TTN: variants seen among roughly 807,000 people sequenced by gnomAD.
The protein encoded by TTN is connectin.
Under a neutral mutation model 3,223.0 loss-of-function variants are expected in TTN, and 1,525 were observed. The ratio of observed to expected loss-of-function variants is 0.47; its 90% CI spans 0.45 to 0.49. The LOEUF (loss-of-function observed/expected upper bound fraction) is 0.49, where lower values mean the gene tolerates loss of function less well. TTN is among the 20% of genes least tolerant of loss of function. TTN has a pLI of 0.00. For missense variants in TTN, 40,786 were observed against 43,424.0 expected, an observed-to-expected ratio of 0.94 and a Z score of 5.40; for synonymous variants, 14,094 against 15,161.0, an observed-to-expected ratio of 0.93 and a Z score of 5.17.
At chr2:178,642,379 A>G (rs2061356480) in intron 218 of TTN, 62 bp from the exon 219 acceptor site, 30 of 1,437,504 alleles carry the variant, frequency 2.1e-5, no homozygotes, top group Non-Finnish European at 2.6e-5. Flanking sequence ...TTTCAACAAG[A>G]AAAATGTCTC....
At chr2:178,781,065 C>T in intron 21 of TTN, 56 bp downstream of exon 21, 5 of 1,611,728 alleles carry the variant, frequency 3.1e-6, no homozygotes, top group African/African-American at 1.3e-5. Context: ...GACAGCACTG[C>T]TATCTCCTTG....
chr2:178,773,653 A>G lies in TTN; in HGVS notation c.7403T>C (p.Val2468Ala), dbSNP rs886055300. 1.2e-6 allele frequency: 2 copies of G among 1,613,984 alleles called. No individual in the cohort carries two copies. Among genetic ancestry groups the G allele is most frequent in the Middle Eastern group, 3.3e-4 (2 of 6,060 alleles). The part of the protein sequence containing the change: ...EGTKAVLECK[V>A]SVPDVTSVKW... Reference sequence around the variant, plus strand: ...AACAGAAGTCACATCAGGGACTGACACCTTACATTCAAGCACAGCCTTGGT... The same window carrying G: ...AACAGAAGTCACATCAGGGACTGACGCCTTACATTCAAGCACAGCCTTGGT... The change falls in exon 32 of 363, where the codon GTG becomes GCG. Residue 2468 changes from valine (V) to alanine (A), a missense_variant. Val to Ala is a moderately conservative substitution (Grantham distance 64). Transcript: ENST00000589042.
Position 178,685,560 on chromosome 2 carries a change from G to A in TTN, c.32350C>T (p.Leu10784=). The change falls in exon 128 of 363, where the codon CTG becomes TTG. Residue 10784 remains leucine, a synonymous_variant. Coordinates refer to ENST00000589042, the MANE Select transcript of TTN (RefSeq NM_001267550.2). ...EPEEYVVEEK[L]HIISKRVEAE... is the part of the protein sequence containing the mutation. The stretch of plus-strand genomic sequence containing the variant: ...TCCACTCTCTTAGAAATAATGTGCA[G>A]CTTTTCTTCCACAACATATTCCTCA... 1.2e-6 allele frequency: 2 copies of A among 1,613,668 alleles called. No individual in the cohort carries two copies. The highest frequency in any genetic ancestry group is 1.7e-6 in the Non-Finnish European group (2 of 1,179,754).
rs2080939542 is a variant in TTN, at chr2:178,733,646, C to T, written c.15743G>A (p.Ser5248Asn). 6.2e-7 allele frequency: 1 copy of T among 1,612,568 alleles called. No homozygotes were observed. The highest frequency in any genetic ancestry group is 8.5e-7 in the Non-Finnish European group (1 of 1,178,846). The change falls in exon 53 of 363, where the codon AGC becomes AAC. Residue 5248 changes from serine to asparagine, a missense_variant. Ser to Asn is a conservative substitution (Grantham distance 46). Coordinates refer to ENST00000589042, the MANE Select transcript of TTN (RefSeq NM_001267550.2). ...TATTAATTCCCCAACAGATGTTTGG[C>T]TTCCAGCTTCATTTTCAGCCAGGCA... ...YTCLAENEAG[S>N]QTSVGELIVK...
chr2:178,572,205 C>T lies in TTN; in HGVS notation c.73927G>A (p.Asp24643Asn). The change falls in exon 326 of 363, where the codon GAT becomes AAT. Residue 24643 changes from aspartate to asparagine, a missense_variant. By Grantham distance (23) the Asp-to-Asn change is conservative. Coordinates refer to ENST00000589042, the MANE Select transcript of TTN (RefSeq NM_001267550.2). ...TAGCCTAGAATTCGGCTGCCTCCAT[C>T]ATGCTCTGGTTTCTCCCAAGAGAGT... ...VSLSWEKPEH[D>N]GGSRILGYIV... 1 of 1,613,498 alleles carries T rather than the reference C, an allele frequency of 6.2e-7. No homozygotes were observed. The highest frequency in any genetic ancestry group is 8.5e-7 in the Non-Finnish European group (1 of 1,179,640).
At position 178,568,064 on chromosome 2, in the gene TTN, A is replaced by G. The variant is rs572384303; in HGVS notation, c.78068T>C (p.Ile26023Thr). Residue 26023 changes from isoleucine (I) to threonine (T), a missense_variant, in exon 326 of 363, where the codon ATA becomes ACA. Physicochemically the swap from Ile to Thr is moderately conservative, Grantham distance 89. Coordinates refer to ENST00000589042, the MANE Select transcript of TTN (RefSeq NM_001267550.2). ...EPVNNGGSPV[I>T]GYHLERKERN... Reference sequence around the variant, plus strand: ...TTCTTTTCTCTCCAGGTGGTAACCTATGACGGGGCTTCCACCATTGTTGAC... The same window carrying G: ...TTCTTTTCTCTCCAGGTGGTAACCTGTGACGGGGCTTCCACCATTGTTGAC... 2.4e-4 allele frequency: 382 copies of G among 1,613,368 alleles called. 5 individuals carry two copies. In the South Asian group the frequency reaches 4.0e-3, roughly 17 times the overall value.
In TTN at chr2:178,580,229, T is replaced by C; in HGVS notation, c.67058A>G (p.Asp22353Gly). ...KEYTIVVKVLDTPGPPVNVTV... is the reference protein window; with the variant it reads ...KEYTIVVKVLGTPGPPVNVTV... ...CACATTGACAGGTGGCCCAGGAGTA[T>C]CTGGATAAATAGTAGGTAAATAAGA... Residue 22353 changes from aspartate (D) to glycine (G), a missense_variant and splice_region_variant, in exon 318 of 363, where the codon GAT (aspartate) becomes GGT (glycine). Physicochemically the swap from Asp to Gly is moderately conservative, Grantham distance 94. Coordinates refer to ENST00000589042, the MANE Select transcript of TTN (RefSeq NM_001267550.2). 6.2e-7 allele frequency: 1 copy of C among 1,611,608 alleles called. No individual in the cohort carries two copies. Among genetic ancestry groups the C allele is most frequent in the South Asian group, 1.1e-5 (1 of 90,482 alleles).
rs754676727 is a variant in TTN at position 178,552,916 on chromosome 2, A to G, written c.89984T>C (p.Ile29995Thr). The stretch of plus-strand genomic sequence containing the variant: ...GAATGGAGTCTTCTCCGACAAATCT[A>G]TTAGCTTGAAGGATGTGCTAGAACA... ...HKCSSTSFKLIDLSEKTPFFF... is the reference protein window; with the variant it reads ...HKCSSTSFKLTDLSEKTPFFF... Residue 29995 changes from isoleucine (I) to threonine (T), a missense_variant, in exon 335 of 363, where the codon ATA becomes ACA. By Grantham distance (89) the Ile-to-Thr change is moderately conservative (BLOSUM62 -1). Coordinates refer to ENST00000589042, the MANE Select transcript of TTN (RefSeq NM_001267550.2). 42 of 1,613,608 alleles carry G rather than the reference A, an allele frequency of 2.6e-5. No individual in the cohort carries two copies. The highest frequency in any genetic ancestry group is 8.0e-5 in the African/African-American group (6 of 74,900).
chr2:178,540,581 C>T (rs1421177379), intron 350 of TTN, among the ~76,000 whole-genome samples: 1 of 152,056 alleles, frequency 6.6e-6, no homozygotes, highest in East Asian at 1.9e-4. Context: ...TACTTGAGGT[C>T]AGGAGTTAGT....
At position 178,707,701 on chromosome 2, in the gene TTN, C is replaced by T; in HGVS notation, c.28866G>A (p.Gln9622=). 3 of 1,614,004 alleles carry T rather than the reference C, an allele frequency of 1.9e-6. No individual in the cohort carries two copies. The highest frequency in any genetic ancestry group is 2.5e-6 in the Non-Finnish European group (3 of 1,179,866). The change falls in exon 100 of 363, where the codon CAG becomes CAA. Residue 9622 remains glutamine (Q), a synonymous_variant. Transcript: ENST00000589042. The part of the protein sequence containing the change: ...HVQGSEPIRI[Q]WLKAGREIKP... ...TTATTTCCCTGCCAGCCTTCAACCA[C>T]TGGATCCTAATTGGCTCAGATCCCT...
chr2:178,689,469 G>T (rs373445803), intron 123 of TTN, 46 bp downstream of exon 123: 1 of 1,600,942 alleles, frequency 6.2e-7, no homozygotes, highest in Non-Finnish European at 8.5e-7. Flanking sequence ...AATTAAAGAG[G>T]CTTGAAGGAA....
rs147655882 is a variant in TTN, at chr2:178,778,848, A to G, written c.4208+26T>C. Reference sequence around the variant, plus strand: ...GTTTTGAAAACAATTTACATACTAAATAACCCAAATTATTACAAGTCTTAC... The same window carrying G: ...GTTTTGAAAACAATTTACATACTAAGTAACCCAAATTATTACAAGTCTTAC... On this transcript the variant is annotated intron_variant, in intron 24 of 362. Coordinates refer to ENST00000589042, the MANE Select transcript of TTN (RefSeq NM_001267550.2). 1.0e-4 allele frequency: 163 copies of G among 1,613,590 alleles called. 1 individual carries two copies. The East Asian group carries it at 2.4e-3, about 24-fold the overall frequency.
chr2:178,557,942 G>T lies in TTN; in HGVS notation c.87412C>A (p.Pro29138Thr), dbSNP rs72648227. Residue 29138 changes from proline to threonine, a missense_variant, in exon 328 of 363, where the codon CCT becomes ACT. Coordinates refer to ENST00000589042, the MANE Select transcript of TTN (RefSeq NM_001267550.2). Reference protein sequence around the residue: ...AFINIVVLDRPGPPTGPVVIS... With the variant: ...AFINIVVLDRTGPPTGPVVIS... Reference sequence around the variant, plus strand: ...ACAACAGGGCCAGTTGGAGGACCAGGCCTGTCTAGCACAACAATGTTAATG... The same window carrying T: ...ACAACAGGGCCAGTTGGAGGACCAGTCCTGTCTAGCACAACAATGTTAATG... 8.7e-4 allele frequency: 1,404 copies of T among 1,613,032 alleles called. 10 individuals carry two copies. Among genetic ancestry groups the T allele is most frequent in the South Asian group, 4.2e-3 (385 of 91,080 alleles).
chr2:178,567,125 A>G lies in TTN; in HGVS notation c.79007T>C (p.Val26336Ala), dbSNP rs1706198787. ...ATTGGTCACAACTTCTGAAGCAACA[A>G]CAGTCCAGGCAAGTCGACTGGTTTC... ...KRETSRLAWT[V>A]VASEVVTNSL... The change falls in exon 326 of 363, where the codon GTT (valine) becomes GCT (alanine). Residue 26336 changes from valine (V) to alanine (A), a missense_variant. By Grantham distance (64) the Val-to-Ala change is moderately conservative (BLOSUM62 0). Transcript: ENST00000589042. 1 of 1,613,410 alleles carries G rather than the reference A, an allele frequency of 6.2e-7. No homozygotes were observed. The highest frequency in any genetic ancestry group is 1.3e-5 in the African/African-American group (1 of 74,872).
rs371362606 is a variant in TTN at position 178,565,278 on chromosome 2, C to A, written c.80854G>T (p.Val26952Leu). 31 of 1,613,486 alleles carry A rather than the reference C, an allele frequency of 1.9e-5. No homozygotes were observed. The highest frequency in any genetic ancestry group is 2.5e-5 in the Non-Finnish European group (30 of 1,179,676). Residue 26952 changes from valine (V) to leucine (L), a missense_variant, in exon 326 of 363, where the codon GTA becomes TTA. Coordinates refer to ENST00000589042, the MANE Select transcript of TTN (RefSeq NM_001267550.2). Reference sequence around the variant, plus strand: ...GTGCCTGCACTATTTGTTGCCGTTACGGTGTATTTTCCAAAGTCATCTTTG... The same window carrying A: ...GTGCCTGCACTATTTGTTGCCGTTAAGGTGTATTTTCCAAAGTCATCTTTG... ...GNKDDFGKYT[V>L]TATNSAGTAT...
intron 6 of TTN, among the ~76,000 whole-genome samples, chr2:178,797,075 C>T (rs1287869044): frequency 6.6e-6 from 1 of 152,128 alleles, no homozygotes; most frequent in East Asian, 1.9e-4. Context: ...TTCAAAACTG[C>T]TAAGATGGTC....
intron 20 of TTN, among the ~76,000 whole-genome samples, chr2:178,781,487 A>G (rs2092755235): frequency 6.6e-6 from 1 of 152,236 alleles, no homozygotes; most frequent in African/African-American, 2.4e-5. Flanking sequence ...AAGAATATTT[A>G]TTGCTAGAAT....
chr2:178,584,028 T>A, intron 311 of TTN, 122 bp from the exon 312 acceptor site: 1 of 1,188,594 alleles, frequency 8.4e-7, no homozygotes, highest in Non-Finnish European at 1.1e-6. Context: ...TATCCCATTT[T>A]AATAACCGTC....
At position 178,776,672 on chromosome 2, in the gene TTN, T is replaced by C. The variant is rs876658072; in HGVS notation, c.5192A>G (p.Asp1731Gly). Residue 1731 changes from aspartate to glycine, a missense_variant, in exon 28 of 363, where the codon GAC becomes GGC. Coordinates refer to ENST00000589042, the MANE Select transcript of TTN (RefSeq NM_001267550.2). ...HFECRLTPIG[D>G]PTMVVEWLHD... ...GAGCCACTCCACCACCATCGTTGGG[T>C]CACCAATGGGTGTTAGCCTGCATTC... 1.9e-6 allele frequency: 3 copies of C among 1,614,168 alleles called. No homozygotes were observed. The highest frequency in any genetic ancestry group is 2.5e-6 in the Non-Finnish European group (3 of 1,180,026).
Sources: gnomAD v4.1 joint callset for allele counts (sites outside exome capture counted in the v4.1 genomes callset) on GRCh38, gnomAD v4.1.1 for gene constraint, MANE v1.5 for transcripts, NCBI Gene and HGNC (gene_info 2026-07-23, HGNC 2026-07-21) for gene names.